SLC2A2: variants seen among roughly 807,000 people sequenced by gnomAD.
The protein encoded by SLC2A2 is solute carrier family 2, facilitated glucose transporter member 2.
Under a neutral mutation model 54.5 loss-of-function variants are expected in SLC2A2, and 36 were observed. The ratio of observed to expected loss-of-function variants is 0.66; its 90% CI spans 0.51 to 0.87. The LOEUF (loss-of-function observed/expected upper bound fraction) is 0.87. SLC2A2 is among the 40% of genes least tolerant of loss of function. The pLI is 0.00. For synonymous variants in SLC2A2, 223 were observed against 219.1 expected (o/e 1.02, Z -0.16); for missense variants, 543 against 624.3 (o/e 0.87, Z 1.39).
chr3:171,018,817 C>T (rs559648955), intron 1 of SLC2A2, among the ~76,000 whole-genome samples, 194 bp from the exon 2 acceptor site: 1 of 152,018 alleles, frequency 6.6e-6, no homozygotes, highest in Non-Finnish European at 1.5e-5. Context: ...CATCATTTCC[C>T]CTATGCTGCT....
rs770126214 is a variant in SLC2A2 at position 171,006,027 on chromosome 3, G to T, written c.691C>A (p.Leu231Ile). The T allele has an allele frequency of 1.2e-6, 2 of 1,612,648 alleles. No individual in the cohort carries two copies. ...LLGLSGVRAILQSLLLFFCPE... is the reference protein window; with the variant it reads ...LLGLSGVRAIIQSLLLFFCPE... ...CAGAAAAAGAGTAGCAGAGACTGAA[G>T]GATGGCTCGCACACCAGACAGGCCA... Residue 231 changes from leucine (L) to isoleucine (I), a missense_variant, in exon 6 of 11, where the codon CTT becomes ATT. Leu to Ile is a conservative substitution (Grantham distance 5). This residue lies in a region of SLC2A2 where 318 missense variants were observed against 343.8 expected (regional missense o/e 0.93). Coordinates refer to ENST00000314251, the MANE Select transcript of SLC2A2 (RefSeq NM_000340.2).
chr3:171,003,461 G>A (rs143000444), intron 7 of SLC2A2, among the ~76,000 whole-genome samples: 1,884 of 151,376 alleles, frequency 0.012, 44 homozygotes, highest in African/African-American at 0.043. Flanking sequence ...GGTGGGAGGC[G>A]GGTGTAATTA....
In SLC2A2 at chr3:171,010,180, A is replaced by T. The variant is rs560143113; in HGVS notation, c.372-98T>A. 4.0e-6 allele frequency: 5 copies of T among 1,250,916 alleles called. No homozygotes were observed. The East Asian group carries it at 9.5e-5, about 24-fold the overall frequency. The allele number at this position is 1,250,916 out of a possible 1,614,324, so 77.5% of individuals were successfully genotyped here. On this transcript the variant is annotated intron_variant, in intron 3 of 10. Coordinates refer to ENST00000314251, the MANE Select transcript of SLC2A2 (RefSeq NM_000340.2). ...TTGAGATTTTTTTTAACCTAAGAGCAATTATTTTAATTTTGCTGTAAAAGC... is the reference window on the plus strand; with the variant it reads ...TTGAGATTTTTTTTAACCTAAGAGCTATTATTTTAATTTTGCTGTAAAAGC...
At chr3:171,007,029 CAG>C in intron 5 of SLC2A2, 117 bp downstream of exon 5, 1 of 724,006 alleles carries the variant, frequency 1.4e-6, no homozygotes, top group East Asian at 2.7e-5. Context: ...AATGGACAGT[CAG>C]GGAGGGACGA....
chr3:170,997,658 T>G lies in SLC2A2; in HGVS notation c.*245A>C, dbSNP rs1436002944. The G allele has an allele frequency of 2.1e-6, 1 of 486,676 alleles. No individual in the cohort carries two copies. Among genetic ancestry groups the G allele is most frequent in the African/African-American group, 2.0e-5 (1 of 51,024 alleles). 30.1% of individuals were successfully genotyped at this position (486,676 alleles called of 1,614,324 possible). ...CAGAGCTAAAAATATTAGAACCACCTGCCCTTTAGTGTAACAAAATAAACT... is the reference window on the plus strand; with the variant it reads ...CAGAGCTAAAAATATTAGAACCACCGGCCCTTTAGTGTAACAAAATAAACT... On this transcript the variant is annotated 3_prime_UTR_variant, in exon 11 of 11. Transcript: ENST00000314251.
At chr3:171,009,927 G>A in intron 4 of SLC2A2, 31 bp downstream of exon 4, 1 of 1,553,504 alleles carries the variant, frequency 6.4e-7, no homozygotes, top group Non-Finnish European at 8.7e-7. Flanking sequence ...GTGTGTGTGT[G>A]TGTGTGTGTG....
intron 2 of SLC2A2, 125 bp from the exon 3 acceptor site, chr3:171,014,856 A>ACAAATCTATC: frequency 1.3e-6 from 1 of 750,850 alleles, no homozygotes; most frequent in Non-Finnish European, 2.2e-6. Flanking sequence ...ATACATATAA[A>ACAAATCTATC]CATGGATAGA....
chr3:171,018,507 A>AG, intron 2 of SLC2A2, 24 bp downstream of exon 2: 1 of 1,519,042 alleles, frequency 6.6e-7, no homozygotes, highest in Non-Finnish European at 9.1e-7. Context: ...TGCCAAAAAG[A>AG]GAACTTCTAC....
chr3:171,014,854 AAAC>A, intron 2 of SLC2A2, 123 bp from the exon 3 acceptor site: 1 of 755,796 alleles, frequency 1.3e-6, no homozygotes, highest in Non-Finnish European at 2.2e-6. Flanking sequence ...ATATACATAT[AAAC>A]ATGGATAGAT....
intron 1 of SLC2A2, among the ~76,000 whole-genome samples, chr3:171,023,552 C>T (rs981494102): frequency 4.6e-5 from 7 of 152,134 alleles, no homozygotes; most frequent in Non-Finnish European, 8.8e-5. Flanking sequence ...TAATAAGCCC[C>T]GTCAACCTTC....
In SLC2A2 at chr3:171,014,555, C is replaced by T. The variant is rs1560039826; in HGVS notation, c.285G>A (p.Met95Ile). Residue 95 changes from methionine to isoleucine, a missense_variant, in exon 3 of 11, where the codon ATG (methionine) becomes ATA (isoleucine). Met to Ile is a conservative substitution (Grantham distance 10). Transcript: ENST00000314251. Reference protein sequence around the residue: ...ETVAAAQLITMLWSLSVSSFA... With the variant: ...ETVAAAQLITILWSLSVSSFA... ...AGCTGGATACAGACAGGGACCAGAG[C>T]ATGGTGATTAGTTGAGCAGCTGCCA... is the stretch of plus-strand genomic sequence containing the variant. 4 of 1,614,148 alleles carry T rather than the reference C, an allele frequency of 2.5e-6. No individual in the cohort carries two copies. Among genetic ancestry groups the T allele is most frequent in the African/African-American group, 1.3e-5 (1 of 75,038 alleles).
At chr3:170,998,714 A>G (rs76495972) in intron 9 of SLC2A2, among the ~76,000 whole-genome samples, 1,929 of 152,220 alleles carry the variant, frequency 0.013, 45 homozygotes, top group African/African-American at 0.044. Flanking sequence ...GTGGATGACA[A>G]TGCCAGGAGG....
At position 170,998,302 on chromosome 3, in the gene SLC2A2, A is replaced by G. The variant is rs778490867; in HGVS notation, c.1265T>C (p.Met422Thr). The change falls in exon 10 of 11, where the codon ATG becomes ACG. Residue 422 changes from methionine to threonine, a missense_variant. Around this residue, in one of 3 missense-constraint regions of SLC2A2, gnomAD observed 117 missense variants for 179.2 expected, o/e 0.65. Coordinates refer to ENST00000314251, the MANE Select transcript of SLC2A2 (RefSeq NM_000340.2). ...EIGPGPIPWFMVAEFFSQGPR... is the reference protein window; with the variant it reads ...EIGPGPIPWFTVAEFFSQGPR... ...TCCTTGACTGAAAAACTCAGCCACC[A>G]TGAACCAGGGGATCGGGCCTGGCCC... The G allele has an allele frequency of 1.2e-6, 2 of 1,613,850 alleles. No individual in the cohort carries two copies. The highest frequency in any genetic ancestry group is 1.7e-5 in the Admixed American group (1 of 59,942).
chr3:171,021,163 G>A (rs1394505386), intron 1 of SLC2A2, among the ~76,000 whole-genome samples: 2 of 152,124 alleles, frequency 1.3e-5, no homozygotes, highest in Non-Finnish European at 2.9e-5. Flanking sequence ...TACTTAGTTG[G>A]TGGTTTCTCC....
At chr3:171,023,458 G>A (rs1381411292) in intron 1 of SLC2A2, among the ~76,000 whole-genome samples, 1 of 152,078 alleles carries the variant, frequency 6.6e-6, no homozygotes, top group Non-Finnish European at 1.5e-5. Context: ...AATGTTTATA[G>A]TCAGCCTTGT....
At chr3:171,012,313 T>G (rs1715925560) in intron 3 of SLC2A2, among the ~76,000 whole-genome samples, 1 of 152,228 alleles carries the variant, frequency 6.6e-6, no homozygotes, top group African/African-American at 2.4e-5. Context: ...CTCATTTTCA[T>G]ACAGCTATTA....
chr3:171,018,141 C>G lies in SLC2A2; in HGVS notation c.108+390G>C, dbSNP rs140522667. Among the ~76,000 whole-genome samples the G allele has an allele frequency of 1.4e-3, 217 of 152,208 alleles. 1 individual carries two copies. Among genetic ancestry groups the G allele is most frequent in the African/African-American group, 5.1e-3 (211 of 41,552 alleles). On this transcript the variant is annotated intron_variant, in intron 2 of 10. Transcript: ENST00000314251. ...TAAGCAGGTGCTCAAAAAATGTCCC[C>G]TGAGTGAAACATATCCTTATTCCCT...
At position 171,014,634 on chromosome 3, in the gene SLC2A2, G is replaced by T. The variant is rs779977931; in HGVS notation, c.206C>A (p.Thr69Lys). 1.3e-5 allele frequency: 21 copies of T among 1,613,968 alleles called. No homozygotes were observed. The Admixed American group carries it at 1.5e-4, about 12-fold the overall frequency. Residue 69 changes from threonine to lysine, a missense_variant, in exon 3 of 11, where the codon ACA becomes AAA. Around this residue, in one of 3 missense-constraint regions of SLC2A2, gnomAD observed 318 missense variants for 343.8 expected, o/e 0.93. Transcript: ENST00000314251. ...TTTTGGGTTCATTGAGTATGAGATT[G>T]TGGGCAGTTCATCTGTACTGTTGAT... ...YVINSTDELP[T>K]ISYSMNPKPT...
chr3:171,000,073 G>A, intron 8 of SLC2A2, among the ~76,000 whole-genome samples: 1 of 151,992 alleles, frequency 6.6e-6, no homozygotes, highest in East Asian at 1.9e-4. Context: ...CAGCCTATCA[G>A]TAAATCAATA....
Sources: allele counts gnomAD v4.1 joint callset (sites outside exome capture counted in the v4.1 genomes callset), GRCh38; gene constraint gnomAD v4.1.1; regional missense constraint gnomAD v4.1.1; transcripts MANE v1.5; gene names NCBI Gene and HGNC (gene_info 2026-07-23, HGNC 2026-07-21).